GRM7: variants seen among roughly 807,000 people sequenced by gnomAD.
GRM7 encodes metabotropic glutamate receptor 7.
A neutral mutation model predicts 84.5 loss-of-function variants in GRM7; 35 were observed. The ratio of observed to expected loss-of-function variants is 0.41; its 90% CI spans 0.32 to 0.55. GRM7 has a LOEUF of 0.55. GRM7 is among the 20% of genes least tolerant of loss of function. The pLI is 0.19. For synonymous variants in GRM7, 487 were observed against 455.1 expected (o/e 1.07, Z -0.89); for missense variants, 1,003 against 1,194.6 (o/e 0.84, Z 2.36).
intron 7 of GRM7, among the ~76,000 whole-genome samples, chr3:7,524,469 C>G (rs78452822): frequency 1.1e-5 from 1 of 88,272 alleles, no homozygotes; most frequent in Non-Finnish European, 2.1e-5. Flanking sequence ...TGAACAGACA[C>G]TTCTCAAAAG....
At chr3:7,196,270 T>C (rs1319941012) in intron 2 of GRM7, among the ~76,000 whole-genome samples, 1 of 152,150 alleles carries the variant, frequency 6.6e-6, no homozygotes, top group Non-Finnish European at 1.5e-5. Context: ...CACACCCACA[T>C]TGTGGAGGAC....
At chr3:7,587,078 T>C (rs531769272) in intron 8 of GRM7, among the ~76,000 whole-genome samples, 1 of 152,268 alleles carries the variant, frequency 6.6e-6, no homozygotes, top group East Asian at 1.9e-4. Flanking sequence ...TTCACAGATA[T>C]ATATAAGTCA....
At chr3:7,668,902 A>T (rs1478835949) in intron 8 of GRM7, among the ~76,000 whole-genome samples, 1 of 152,254 alleles carries the variant, frequency 6.6e-6, no homozygotes, top group Non-Finnish European at 1.5e-5. Flanking sequence ...CTTTGATTTC[A>T]TTACTTCTAG....
chr3:7,567,747 C>CAAAAAAAAAAAAAA (rs1176146756), intron 7 of GRM7, among the ~76,000 whole-genome samples: 4 of 45,822 alleles, frequency 8.7e-5, no homozygotes, highest in Non-Finnish European at 1.6e-4. Flanking sequence ...GACTCCATCT[C>CAAAAAAAAAAAAAA]AAAAAAAAAA....
intron 1 of GRM7, among the ~76,000 whole-genome samples, chr3:7,003,472 G>T (rs915623296): frequency 2.6e-5 from 4 of 151,954 alleles, no homozygotes; most frequent in Admixed American, 1.3e-4. Context: ...ACAGCATAAT[G>T]ATTTAACATA....
intron 4 of GRM7, among the ~76,000 whole-genome samples, chr3:7,389,613 C>T (rs1281021831): frequency 6.6e-6 from 1 of 151,932 alleles, no homozygotes; most frequent in African/African-American, 2.4e-5. Context: ...TTATAATACC[C>T]TTCTTTGTCC....
intron 1 of GRM7, among the ~76,000 whole-genome samples, chr3:6,944,372 A>G (rs1010511163): frequency 6.6e-6 from 1 of 151,982 alleles, no homozygotes; most frequent in African/African-American, 2.4e-5. Flanking sequence ...GTTTTCTCAT[A>G]GTTTTTTATC....
intron 2 of GRM7, among the ~76,000 whole-genome samples, chr3:7,149,301 T>A (rs1317455063): frequency 1.3e-5 from 2 of 152,164 alleles, no homozygotes; most frequent in African/African-American, 4.8e-5. Flanking sequence ...TCTGTGGGCC[T>A]CTCATAAGGC....
chr3:7,589,230 G>T (rs1478887057), intron 8 of GRM7, among the ~76,000 whole-genome samples: 1 of 152,166 alleles, frequency 6.6e-6, no homozygotes, highest in East Asian at 1.9e-4. Flanking sequence ...TTATTTTCAT[G>T]TTGCAGATCT....
At chr3:7,667,860 C>CA (rs61182264) in intron 8 of GRM7, among the ~76,000 whole-genome samples, 7,101 of 128,358 alleles carry the variant, frequency 0.055, 253 homozygotes, top group Non-Finnish European at 0.084. Context: ...AGATTTATGT[C>CA]AAAAAAAAAA....
At chr3:7,196,895 G>A (rs1325381985) in intron 2 of GRM7, among the ~76,000 whole-genome samples, 1 of 152,084 alleles carries the variant, frequency 6.6e-6, no homozygotes, top group Admixed American at 6.6e-5. Flanking sequence ...GTTACCCAGT[G>A]AATACTGAAT....
intron 4 of GRM7, among the ~76,000 whole-genome samples, chr3:7,387,814 A>C (rs1349519281): frequency 1.3e-5 from 2 of 152,040 alleles, no homozygotes; most frequent in Non-Finnish European, 1.5e-5. Flanking sequence ...TTTTTTTCCT[A>C]ATTCTGTGAA....
chr3:7,140,135 A>C (rs758136309), intron 1 of GRM7, among the ~76,000 whole-genome samples: 23 of 152,174 alleles, frequency 1.5e-4, no homozygotes, highest in Non-Finnish European at 3.1e-4. Flanking sequence ...GGCTATAATC[A>C]AAAAGACAAA....
At chr3:7,096,330 A>G (rs1372556686) in intron 1 of GRM7, among the ~76,000 whole-genome samples, 1 of 152,132 alleles carries the variant, frequency 6.6e-6, no homozygotes. Flanking sequence ...GGTCCCCAGG[A>G]CACCTGTACT....
chr3:7,580,047 G>A (rs1461145195), intron 8 of GRM7, among the ~76,000 whole-genome samples: 1 of 152,216 alleles, frequency 6.6e-6, no homozygotes, highest in Non-Finnish European at 1.5e-5. Context: ...TCATCAAGCT[G>A]TGAAACTTTG....
chr3:7,149,342 G>C, intron 2 of GRM7, among the ~76,000 whole-genome samples: 1 of 152,192 alleles, frequency 6.6e-6, no homozygotes, highest in East Asian at 1.9e-4. Flanking sequence ...GGTGATTCTG[G>C]TATTTAAAGA....
chr3:7,516,164 CAAAAAAAA>C (rs35256206), intron 7 of GRM7, among the ~76,000 whole-genome samples: 11 of 31,426 alleles, frequency 3.5e-4, no homozygotes, highest in South Asian at 1.5e-3. Flanking sequence ...CACCATATCT[CAAAAAAAA>C]AAAAAAAAAA....
At chr3:7,330,645 G>C (rs148748796) in intron 4 of GRM7, among the ~76,000 whole-genome samples, 1,642 of 152,204 alleles carry the variant, frequency 0.011, 11 homozygotes, top group South Asian at 0.021. Context: ...TCATTTGGCT[G>C]TCATTATCTC....
At chr3:7,348,772 G>T (rs572522311) in intron 4 of GRM7, among the ~76,000 whole-genome samples, 1 of 152,062 alleles carries the variant, frequency 6.6e-6, no homozygotes, top group Non-Finnish European at 1.5e-5. Context: ...TAGCAATAGG[G>T]CCTGGCAATC....
Sources: gnomAD v4.1 joint callset for allele counts (sites outside exome capture counted in the v4.1 genomes callset) on GRCh38, gnomAD v4.1.1 for gene constraint, MANE v1.5 for transcripts, NCBI Gene and HGNC (gene_info 2026-07-23, HGNC 2026-07-21) for gene names.